SPATA13: variants seen among roughly 807,000 people sequenced by gnomAD.
SPATA13 encodes spermatogenesis associated 13.
Under a neutral mutation model 104.0 loss-of-function variants are expected in SPATA13, and 50 were observed. The observed-to-expected ratio is 0.48, with a 90% CI of 0.38 to 0.61. The LOEUF (loss-of-function observed/expected upper bound fraction) is 0.61. SPATA13 is among the 20% of genes least tolerant of loss of function. SPATA13 has a pLI of 0.00. For synonymous variants in SPATA13, 606 were observed against 667.5 expected, an observed-to-expected ratio of 0.91 and a Z score of 1.42; for missense variants, 1,524 against 1,690.6, an observed-to-expected ratio of 0.90 and a Z score of 1.73.
intron 2 of SPATA13, among the ~76,000 whole-genome samples, chr13:24,014,879 A>ATTTTTTTTTTTTTTTT (rs10566756): frequency 1.3e-5 from 1 of 78,698 alleles, no homozygotes; most frequent in Non-Finnish European, 2.4e-5. Flanking sequence ...CACTTTCTGG[A>ATTTTTTTTTTTTTTTT]TTTTTTTTTT....
chr13:24,188,405 C>T (rs995503232), intron 1 of SPATA13, among the ~76,000 whole-genome samples: 6 of 152,054 alleles, frequency 3.9e-5, no homozygotes, highest in Admixed American at 6.6e-5. Flanking sequence ...ACAGCCTTAT[C>T]GCTGATATTG....
chr13:24,289,692 G>A (rs115921848), intron 8 of SPATA13, among the ~76,000 whole-genome samples: 3 of 152,160 alleles, frequency 2.0e-5, no homozygotes, highest in South Asian at 4.1e-4. Flanking sequence ...GCTCCAGGAC[G>A]CATGGTTGTG....
chr13:24,204,889 T>G (rs1870617833), intron 1 of SPATA13, among the ~76,000 whole-genome samples: 1 of 152,196 alleles, frequency 6.6e-6, no homozygotes, highest in Non-Finnish European at 1.5e-5. Flanking sequence ...TTGGCTGTTG[T>G]GAGTAATGCT....
At chr13:23,982,682 G>C (rs1161824682) in intron 1 of SPATA13, among the ~76,000 whole-genome samples, 1 of 152,048 alleles carries the variant, frequency 6.6e-6, no homozygotes, top group Non-Finnish European at 1.5e-5. Flanking sequence ...TATCTTCATT[G>C]AGCCTTACAA....
At chr13:24,040,398 T>C (rs954377145) in intron 3 of SPATA13, among the ~76,000 whole-genome samples, 1 of 152,070 alleles carries the variant, frequency 6.6e-6, no homozygotes, top group African/African-American at 2.4e-5. Context: ...TGTCTATATG[T>C]TTTTAAGAGC....
At chr13:24,039,284 T>C (rs1877827435) in intron 3 of SPATA13, among the ~76,000 whole-genome samples, 1 of 152,222 alleles carries the variant, frequency 6.6e-6, no homozygotes, top group Admixed American at 6.5e-5. Flanking sequence ...CTCTACCAGC[T>C]ACTACTCAAT....
At chr13:23,980,420 G>C (rs1222741135) in intron 1 of SPATA13, among the ~76,000 whole-genome samples, 1 of 152,238 alleles carries the variant, frequency 6.6e-6, no homozygotes, top group Non-Finnish European at 1.5e-5. Context: ...CTGATGCTTC[G>C]TTGGTGTGTG....
chr13:24,062,580 G>A (rs906035531), intron 3 of SPATA13, among the ~76,000 whole-genome samples: 1 of 152,130 alleles, frequency 6.6e-6, no homozygotes, highest in African/African-American at 2.4e-5. Context: ...GGTGACGAAG[G>A]AGCCTCCATC....
chr13:24,143,697 A>G (rs1213337660), intron 3 of SPATA13, among the ~76,000 whole-genome samples: 1 of 152,168 alleles, frequency 6.6e-6, no homozygotes, highest in Non-Finnish European at 1.5e-5. Flanking sequence ...AACGTCCTCC[A>G]GGGGAACCAC....
intron 1 of SPATA13, among the ~76,000 whole-genome samples, chr13:24,213,564 C>T (rs985231113): frequency 2.0e-5 from 3 of 152,198 alleles, no homozygotes; most frequent in Non-Finnish European, 4.4e-5. Context: ...CATGCCCGGC[C>T]AGGGTCTTTC....
intron 1 of SPATA13, among the ~76,000 whole-genome samples, chr13:24,204,600 A>G (rs1870599263): frequency 1.3e-5 from 2 of 151,946 alleles, no homozygotes; most frequent in Admixed American, 6.6e-5. Flanking sequence ...AACAGCTCCC[A>G]TTTCTCCTCC....
rs778986380 is a variant in SPATA13 at position 24,303,204 on chromosome 13, G to A, written c.*431G>A. On this transcript the variant is annotated 3_prime_UTR_variant, in exon 13 of 13. Transcript: ENST00000382108. The stretch of plus-strand genomic sequence containing the variant: ...TCTGCATTTGATTTTCAAGGATGCC[G>A]TCAAGACGGGGTTGACACAATGCTG... 2.5e-5 allele frequency: 10 copies of A among 407,464 alleles called. No individual in the cohort carries two copies. Among genetic ancestry groups the A allele is most frequent in the Admixed American group, 8.7e-5 (3 of 34,586 alleles). 25.2% of individuals were successfully genotyped at this position (407,464 alleles called of 1,614,324 possible). A position where few individuals can be genotyped will look rare whatever the true frequency, so the allele number is the denominator to read the frequency against.
chr13:24,181,127 T>C (rs1868777891), intron 1 of SPATA13, among the ~76,000 whole-genome samples: 1 of 152,180 alleles, frequency 6.6e-6, no homozygotes, highest in Non-Finnish European at 1.5e-5. Flanking sequence ...AGGGCACTTA[T>C]GAATGGAGTT....
At chr13:24,229,174 A>G (rs1486009370) in intron 2 of SPATA13, among the ~76,000 whole-genome samples, 2 of 152,198 alleles carry the variant, frequency 1.3e-5, no homozygotes, top group Non-Finnish European at 2.9e-5. Flanking sequence ...TGCTTCTCCT[A>G]CCAGCTCACA....
chr13:24,264,015 A>C (rs1472133920), intron 4 of SPATA13, among the ~76,000 whole-genome samples: 1 of 152,216 alleles, frequency 6.6e-6, no homozygotes, highest in African/African-American at 2.4e-5. Context: ...CAAGTCTTGG[A>C]GATTGTATTA....
intron 3 of SPATA13, among the ~76,000 whole-genome samples, chr13:24,041,545 G>C (rs1359391317): frequency 6.6e-6 from 1 of 152,230 alleles, no homozygotes; most frequent in Non-Finnish European, 1.5e-5. Flanking sequence ...GTAGGTCAAA[G>C]GTTAAACGAT....
At chr13:24,183,905 A>G (rs1868970720) in intron 1 of SPATA13, among the ~76,000 whole-genome samples, 1 of 152,100 alleles carries the variant, frequency 6.6e-6, no homozygotes. Flanking sequence ...CCTCAGACAC[A>G]GCGTCACATG....
At chr13:24,096,140 A>G (rs1450425708) in intron 3 of SPATA13, among the ~76,000 whole-genome samples, 1 of 152,038 alleles carries the variant, frequency 6.6e-6, no homozygotes, top group Non-Finnish European at 1.5e-5. Context: ...TTGGGATCCT[A>G]CCACCTGCCT....
At chr13:24,049,472 A>G (rs910366240) in intron 3 of SPATA13, among the ~76,000 whole-genome samples, 7 of 152,192 alleles carry the variant, frequency 4.6e-5, no homozygotes, top group African/African-American at 1.7e-4. Context: ...CGTGTTGTTC[A>G]CACAGCAACA....
Sources: allele counts gnomAD v4.1 joint callset (sites outside exome capture counted in the v4.1 genomes callset), GRCh38; gene constraint gnomAD v4.1.1; transcripts MANE v1.5; gene names NCBI Gene and HGNC (gene_info 2026-07-23, HGNC 2026-07-21).